The following CD164 variants were observed in gnomAD, a reference collection of about 807,000 sequenced individuals.
CD164 encodes sialomucin core protein 24.
CD164 carries 11 observed loss-of-function variants against 24.6 expected under a neutral mutation model. That is an observed-to-expected ratio of 0.45 (90% CI 0.28 to 0.74). CD164 has a LOEUF of 0.74. Ranked by LOEUF, CD164 falls within the 30% of genes least tolerant of loss-of-function variation. CD164 has a pLI of 0.13. For missense variants in CD164, 295 were observed against 243.7 expected, an observed-to-expected ratio of 1.21 and a Z score of -1.40; for synonymous variants, 126 against 100.3, an observed-to-expected ratio of 1.26 and a Z score of -1.53.
chr6:109,368,842 TG>T lies in CD164; in HGVS notation c.*8del. The T allele has an allele frequency of 6.2e-7, 1 of 1,603,286 alleles. No individual in the cohort carries two copies. Among genetic ancestry groups the T allele is most frequent in the Non-Finnish European group, 8.5e-7 (1 of 1,176,836 alleles). Reference sequence around the variant, plus strand: ...GAATCACCAGTCCTTATTAATTCAATGGGTCTGTTTACAGAGTGTGGTAATT... The same window carrying T: ...GAATCACCAGTCCTTATTAATTCAATGGTCTGTTTACAGAGTGTGGTAATT... On this transcript the variant is annotated 3_prime_UTR_variant, in exon 6 of 6. Transcript: ENST00000310786.
At chr6:109,378,327 A>ATCTCAGC (rs1488731123) in intron 2 of CD164, among the ~76,000 whole-genome samples, 6 of 152,158 alleles carry the variant, frequency 3.9e-5, no homozygotes, top group African/African-American at 9.7e-5. Flanking sequence ...CACGCCTATA[A>ATCTCAGC]TCTCAGCACT....
intron 1 of CD164, among the ~76,000 whole-genome samples, chr6:109,381,261 A>G (rs763204095): frequency 6.6e-6 from 1 of 152,180 alleles, no homozygotes; most frequent in Non-Finnish European, 1.5e-5. Flanking sequence ...TTTAAAATGT[A>G]TGTATGCCTT....
chr6:109,374,986 T>C (rs1771312607), intron 4 of CD164, among the ~76,000 whole-genome samples: 1 of 152,240 alleles, frequency 6.6e-6, no homozygotes, highest in Admixed American at 6.5e-5. Context: ...CCCTAGTACT[T>C]GTCTTGGAAT....
At chr6:109,381,751 C>T in intron 1 of CD164, 1 of 580,174 alleles carries the variant, frequency 1.7e-6, no homozygotes, top group Non-Finnish European at 3.1e-6. Flanking sequence ...GAGAAGGCTA[C>T]CTCCGGAGAG....
rs1771838124 is a variant in CD164 at position 109,382,441 on chromosome 6, AT to A, written c.-64del. ...CTCGCAACGCTCAGTCAACCCCTCAATCCCCTGCGGCGCCGCCTCCGAGACT... is the reference window on the plus strand; with the variant it reads ...CTCGCAACGCTCAGTCAACCCCTCAACCCCTGCGGCGCCGCCTCCGAGACT... On this transcript the variant is annotated 5_prime_UTR_variant, in exon 1 of 6. Transcript: ENST00000310786. The A allele has an allele frequency of 5.8e-6, 8 of 1,370,916 alleles. No homozygotes were observed. Among genetic ancestry groups the A allele is most frequent in the Non-Finnish European group, 7.7e-6 (8 of 1,043,070 alleles). The allele number at this position is 1,370,916 out of a possible 1,614,324, so 84.9% of individuals were successfully genotyped here.
chr6:109,381,590 A>T, intron 1 of CD164: 2 of 702,570 alleles, frequency 2.8e-6, no homozygotes, highest in East Asian at 5.4e-5. Context: ...TTGAAGTGTG[A>T]AGTTTTCACT....
Position 109,375,954 on chromosome 6 carries a change from T to G in CD164, c.370+120A>C, listed in dbSNP as rs1175900199. ...GTTAATTGCTGTGGTCCAAGACTTT[T>G]AAGTTTTTACTCATCTTTAAAATTA... is the stretch of plus-strand genomic sequence containing the variant. On this transcript the variant is annotated intron_variant, in intron 4 of 5. Transcript: ENST00000310786. 6 of 750,118 alleles carry G rather than the reference T, an allele frequency of 8.0e-6. No homozygotes were observed. The African/African-American group carries it at 1.1e-4, about 14-fold the overall frequency. The allele number at this position is 750,118 out of a possible 1,614,324, so 46.5% of individuals were successfully genotyped here. A position where few individuals can be genotyped will look rare whatever the true frequency, so the allele number is the denominator to read the frequency against.
At chr6:109,375,617 C>CAAAAAAAAAAAAAA (rs58138405) in intron 4 of CD164, among the ~76,000 whole-genome samples, 2,213 of 70,304 alleles carry the variant, frequency 0.031, 24 homozygotes, top group South Asian at 0.05. Flanking sequence ...ACTTCGCTTC[C>CAAAAAAAAAAAAAA]AAAAAAAAAA....
At chr6:109,378,888 TA>T (rs397783643) in intron 2 of CD164, among the ~76,000 whole-genome samples, 16 of 149,046 alleles carry the variant, frequency 1.1e-4, no homozygotes, top group East Asian at 5.9e-4. Flanking sequence ...TGTTTTTACT[TA>T]AAAAAAAAAC....
chr6:109,381,815 G>A, intron 1 of CD164: 3 of 555,490 alleles, frequency 5.4e-6, no homozygotes, highest in South Asian at 2.2e-5. Context: ...CGGCCCCACC[G>A]CCAACCTCAG....
At chr6:109,373,330 C>T (rs1478537978) in intron 4 of CD164, among the ~76,000 whole-genome samples, 1 of 152,188 alleles carries the variant, frequency 6.6e-6, no homozygotes, top group Non-Finnish European at 1.5e-5. Context: ...ATACACCCTT[C>T]TATATAAATT....
In CD164 at chr6:109,367,239, CAA is replaced by C. The variant is rs1425450060; in HGVS notation, c.*1610_*1611del. The C allele has an allele frequency of 6.6e-6, 1 of 152,540 alleles. No homozygotes were observed. Among genetic ancestry groups the C allele is most frequent in the Non-Finnish European group, 1.5e-5 (1 of 67,994 alleles). 9.4% of individuals were successfully genotyped at this position (152,540 alleles called of 1,614,324 possible). A position where few individuals can be genotyped will look rare whatever the true frequency, so the allele number is the denominator to read the frequency against. On this transcript the variant is annotated 3_prime_UTR_variant, in exon 6 of 6. Transcript: ENST00000310786. ...TATATGTACAAATGTGCAAGTAAAA[CAA>C]ACAGCTGTACCAACGAGTAACAAAG... is the stretch of plus-strand genomic sequence containing the variant.
Position 109,376,124 on chromosome 6 carries a change from A to G in CD164, c.332-12T>C. ...AGTGGCCGTGGAAACTATTAAAAAA[A>G]GAAAAAAGAAAAACCATATACATCA... On this transcript the variant is annotated splice_polypyrimidine_tract_variant and intron_variant, in intron 3 of 5. Transcript: ENST00000310786. 1 of 1,555,804 alleles carries G rather than the reference A, an allele frequency of 6.4e-7. No individual in the cohort carries two copies. Among genetic ancestry groups the G allele is most frequent in the Non-Finnish European group, 8.6e-7 (1 of 1,160,522 alleles).
intron 2 of CD164, among the ~76,000 whole-genome samples, 163 bp from the exon 3 acceptor site, chr6:109,378,134 C>A (rs550279584): frequency 6.6e-6 from 1 of 152,164 alleles, no homozygotes; most frequent in African/African-American, 2.4e-5. Flanking sequence ...ACAGACCAAA[C>A]CCTGTCATTC....
intron 4 of CD164, chr6:109,371,281 C>T (rs11153176): frequency 0.31 from 46,704 of 151,050 alleles, 7,364 homozygotes; most frequent in Middle Eastern, 0.42. Flanking sequence ...GATGGAGTCT[C>T]GCTCTGTCAC....
chr6:109,372,882 T>C (rs1771163237), intron 4 of CD164: 1 of 152,158 alleles, frequency 6.6e-6, no homozygotes, highest in Non-Finnish European at 1.5e-5. Flanking sequence ...CAGAACAAGG[T>C]AAAAACTATT....
intron 2 of CD164, 50 bp from the exon 3 acceptor site, chr6:109,378,021 T>C: frequency 6.8e-7 from 1 of 1,464,562 alleles, no homozygotes; most frequent in Non-Finnish European, 9.5e-7. Context: ...CACCCATTTG[T>C]ATTATCTTTG....
At position 109,369,025 on chromosome 6, in the gene CD164, A is replaced by G. The variant is rs749121268; in HGVS notation, c.428-8T>C. ...CAGTGTTATTTGTTGTACCTGTTAG[A>G]TAAGACAAAAGAAACAACAATCCTA... On this transcript the variant is annotated splice_region_variant and splice_polypyrimidine_tract_variant and intron_variant, in intron 5 of 5. Transcript: ENST00000310786. 1.1e-5 allele frequency: 18 copies of G among 1,604,278 alleles called. No homozygotes were observed. The highest frequency in any genetic ancestry group is 3.5e-5 in the Admixed American group (2 of 57,188).
intron 1 of CD164, among the ~76,000 whole-genome samples, chr6:109,380,983 T>C (rs916104256): frequency 3.9e-5 from 6 of 152,250 alleles, no homozygotes; most frequent in Admixed American, 1.3e-4. Context: ...TTAAGTTTAC[T>C]ATATACTTTA....
Sources: allele counts gnomAD v4.1 joint callset (sites outside exome capture counted in the v4.1 genomes callset), GRCh38; gene constraint gnomAD v4.1.1; transcripts MANE v1.5; gene names NCBI Gene and HGNC (gene_info 2026-07-23, HGNC 2026-07-21).